Variants in CTNNA1 observed in about 807,000 individuals in gnomAD.
CTNNA1 encodes catenin alpha 1.
CTNNA1 carries 37 observed loss-of-function variants against 98.4 expected under a neutral mutation model. That is an observed-to-expected ratio of 0.38 (90% CI 0.29 to 0.49). The LOEUF is 0.49. Ranked by LOEUF, CTNNA1 falls within the 20% of genes least tolerant of loss-of-function variation. The pLI is 0.95. For missense variants in CTNNA1, 761 were observed against 1,147.2 expected, an observed-to-expected ratio of 0.66 and a Z score of 4.86; for synonymous variants, 404 against 413.2, an observed-to-expected ratio of 0.98 and a Z score of 0.27.
At chr5:138,804,870 G>A (rs912353152) in intron 3 of CTNNA1, among the ~76,000 whole-genome samples, 24 of 152,274 alleles carry the variant, frequency 1.6e-4, no homozygotes, top group African/African-American at 4.6e-4. Flanking sequence ...ATATTAGTCC[G>A]TTCTCACATA....
intron 1 of CTNNA1, among the ~76,000 whole-genome samples, chr5:138,778,286 GC>G (rs1238389548): frequency 6.6e-6 from 1 of 152,068 alleles, no homozygotes; most frequent in Non-Finnish European, 1.5e-5. Flanking sequence ...GAGCCTCCGC[GC>G]CCGGCTGCTT....
At chr5:138,852,006 G>T (rs1763230996) in intron 7 of CTNNA1, among the ~76,000 whole-genome samples, 1 of 152,128 alleles carries the variant, frequency 6.6e-6, no homozygotes, top group Admixed American at 6.5e-5. Context: ...GGAGGTGGAG[G>T]TTGCAGTGAG....
At chr5:138,887,436 A>G in intron 8 of CTNNA1, 54 bp from the exon 9 acceptor site, 1 of 1,377,608 alleles carries the variant, frequency 7.3e-7, no homozygotes, top group Non-Finnish European at 1.0e-6. Flanking sequence ...AAAGCAATCT[A>G]TTTAATACCT....
chr5:138,788,983 C>T (rs996498902), intron 3 of CTNNA1, among the ~76,000 whole-genome samples: 1 of 152,096 alleles, frequency 6.6e-6, no homozygotes, highest in African/African-American at 2.4e-5. Flanking sequence ...AACTGAAATC[C>T]ACCTTTTTGT....
intron 7 of CTNNA1, among the ~76,000 whole-genome samples, chr5:138,847,788 A>G (rs1259097509): frequency 6.6e-6 from 1 of 152,198 alleles, no homozygotes; most frequent in Non-Finnish European, 1.5e-5. Context: ...CAAAAAGGAA[A>G]CATTTGGGCA....
At chr5:138,765,947 CAAAAAAA>C (rs1026779147) in intron 1 of CTNNA1, among the ~76,000 whole-genome samples, 591 of 48,472 alleles carry the variant, frequency 0.012, 5 homozygotes, top group South Asian at 0.022. Flanking sequence ...GACTCTGTCT[CAAAAAAA>C]AAAAAAAAAA....
intron 7 of CTNNA1, among the ~76,000 whole-genome samples, chr5:138,833,864 G>C (rs1199691852): frequency 6.6e-6 from 1 of 152,176 alleles, no homozygotes; most frequent in Non-Finnish European, 1.5e-5. Context: ...CTTTGTTCTT[G>C]CCTGAAAACG....
At chr5:138,921,594 TGA>T (rs1262390650) in intron 11 of CTNNA1, among the ~76,000 whole-genome samples, 5 of 142,208 alleles carry the variant, frequency 3.5e-5, no homozygotes, top group Non-Finnish European at 3.0e-5. Flanking sequence ...AGATTAGTGG[TGA>T]TTTTTTTTTT....
chr5:138,798,194 A>G (rs1306275103), intron 3 of CTNNA1, among the ~76,000 whole-genome samples: 1 of 152,020 alleles, frequency 6.6e-6, no homozygotes, highest in Admixed American at 6.5e-5. Flanking sequence ...AAGGGGGCAC[A>G]GAAGTATTTG....
chr5:138,925,551 T>A, intron 13 of CTNNA1, 144 bp downstream of exon 13: 1 of 1,229,430 alleles, frequency 8.1e-7, no homozygotes, highest in East Asian at 2.6e-5. Flanking sequence ...GAGATATATT[T>A]AATTACGTTG....
chr5:138,907,996 G>A (rs1360705646), intron 10 of CTNNA1, among the ~76,000 whole-genome samples: 2 of 147,704 alleles, frequency 1.4e-5, no homozygotes, highest in Admixed American at 6.8e-5. Context: ...CTTCTTCTTC[G>A]AGACAGAGTC....
chr5:138,925,264 C>T lies in CTNNA1; in HGVS notation c.1756C>T (p.Arg586Cys), dbSNP rs1296205201. 3.1e-6 allele frequency: 5 copies of T among 1,613,732 alleles called. No individual in the cohort carries two copies. Among genetic ancestry groups the T allele is most frequent in the African/African-American group, 2.7e-5 (2 of 74,902 alleles). The change falls in exon 13 of 18, where the codon CGT becomes TGT. Residue 586 changes from arginine to cysteine, a missense_variant. Coordinates refer to ENST00000302763, the MANE Select transcript of CTNNA1 (RefSeq NM_001903.5). ...TGCCTCTTTCTCCACAGTCATGCCA[C>T]GTTTTACTGAGCAAGTAGAAGCAGC... ...TKLLSNTVMP[R>C]FTEQVEAAVE...
chr5:138,893,399 T>C (rs1274943496), intron 9 of CTNNA1, among the ~76,000 whole-genome samples: 1 of 152,046 alleles, frequency 6.6e-6, no homozygotes, highest in East Asian at 1.9e-4. Context: ...GGGTGGGTGT[T>C]TGGCTCTTAT....
intron 1 of CTNNA1, among the ~76,000 whole-genome samples, chr5:138,762,424 AAAAAT>A (rs1470803603): frequency 4.6e-5 from 7 of 152,356 alleles, no homozygotes; most frequent in African/African-American, 1.2e-4. Flanking sequence ...ACCACACTTC[AAAAAT>A]AAAATGTCAA....
At chr5:138,920,280 T>G (rs1465236253) in intron 11 of CTNNA1, among the ~76,000 whole-genome samples, 1 of 152,186 alleles carries the variant, frequency 6.6e-6, no homozygotes, top group Non-Finnish European at 1.5e-5. Context: ...GTGCCCGGTC[T>G]AGGTGTCACA....
intron 11 of CTNNA1, among the ~76,000 whole-genome samples, chr5:138,921,296 CCTTTT>C (rs1349632280): frequency 1.3e-5 from 2 of 152,166 alleles, no homozygotes; most frequent in African/African-American, 4.8e-5. Context: ...GTTTTGGCTC[CCTTTT>C]TTTTGAAGAT....
intron 1 of CTNNA1, among the ~76,000 whole-genome samples, chr5:138,774,705 T>C (rs1260396534): frequency 6.6e-6 from 1 of 151,972 alleles, no homozygotes; most frequent in East Asian, 1.9e-4. Flanking sequence ...CACTGCAAGC[T>C]CTGCCTCCCG....
At chr5:138,866,904 C>A (rs1011360557) in intron 7 of CTNNA1, among the ~76,000 whole-genome samples, 1 of 152,104 alleles carries the variant, frequency 6.6e-6, no homozygotes, top group African/African-American at 2.4e-5. Context: ...ATTTGTAGTA[C>A]ATTTTGTCTC....
intron 16 of CTNNA1, 36 bp from the exon 17 acceptor site, chr5:138,932,542 C>T (rs2150348679): frequency 6.2e-7 from 1 of 1,611,338 alleles, no homozygotes; most frequent in Non-Finnish European, 8.5e-7. Context: ...TTGGGCCAGG[C>T]CAGGATACTT....
Sources: gnomAD v4.1 joint callset for allele counts (sites outside exome capture counted in the v4.1 genomes callset) on GRCh38, gnomAD v4.1.1 for gene constraint, MANE v1.5 for transcripts, NCBI Gene and HGNC (gene_info 2026-07-23, HGNC 2026-07-21) for gene names.